Variants in ITPKC observed in about 807,000 individuals in gnomAD.
ITPKC encodes the protein IP3 3-kinase C.
A neutral mutation model predicts 67.1 loss-of-function variants in ITPKC; 33 were observed. That is an observed-to-expected ratio of 0.49 (90% CI 0.37 to 0.66). The LOEUF (loss-of-function observed/expected upper bound fraction) is 0.66, where lower values mean the gene tolerates loss of function less well. Ranked by LOEUF, ITPKC falls within the 30% of genes least tolerant of loss-of-function variation. The pLI is 0.00. For synonymous variants in ITPKC, 341 were observed against 359.8 expected (o/e 0.95, Z 0.59); for missense variants, 820 against 892.1 (o/e 0.92, Z 1.03).
At chr19:40,727,431 A>C (rs2082251461) in intron 2 of ITPKC, among the ~76,000 whole-genome samples, 1 of 152,240 alleles carries the variant, frequency 6.6e-6, no homozygotes, top group African/African-American at 2.4e-5. Context: ...ACTTAGTAGA[A>C]TAAAACAATC....
intron 1 of ITPKC, among the ~76,000 whole-genome samples, chr19:40,722,151 C>T (rs2144734923): frequency 6.6e-6 from 1 of 152,274 alleles, no homozygotes; most frequent in Non-Finnish European, 1.5e-5. Context: ...CCATCATGAG[C>T]TTGTAGTCCA....
At chr19:40,725,875 A>G (rs2082244267) in intron 2 of ITPKC, among the ~76,000 whole-genome samples, 2 of 152,120 alleles carry the variant, frequency 1.3e-5, no homozygotes, top group Admixed American at 6.5e-5. Context: ...AGGCCAAAAC[A>G]GGAGGATCGC....
At chr19:40,732,638 C>T (rs565758825) in intron 3 of ITPKC, among the ~76,000 whole-genome samples, 226 of 151,960 alleles carry the variant, frequency 1.5e-3, no homozygotes, top group African/African-American at 5.2e-3. Context: ...CGCTATGTTG[C>T]CGAGGCTGAT....
At position 40,739,545 on chromosome 19, in the gene ITPKC, G is replaced by C. The variant is rs1445013534; in HGVS notation, c.2037G>C (p.Gly679=). Reference sequence around the variant, plus strand: ...ACAACATGATCTGCCTCCTGCAGGGGCTGGCACAGAGCTGAGCTGCTCAGC... The same window carrying C: ...ACAACATGATCTGCCTCCTGCAGGGCCTGGCACAGAGCTGAGCTGCTCAGC... ...GLDNMICLLQ[G]LAQS Residue 679 remains glycine (G), a synonymous_variant, in exon 7 of 7, where the codon GGG becomes GGC. Transcript: ENST00000263370. 1.9e-6 allele frequency: 3 copies of C among 1,613,334 alleles called. No individual in the cohort carries two copies. Among genetic ancestry groups the C allele is most frequent in the South Asian group, 2.2e-5 (2 of 91,010 alleles).
intron 6 of ITPKC, among the ~76,000 whole-genome samples, chr19:40,738,306 G>T (rs1322409582): frequency 6.6e-6 from 1 of 152,168 alleles, no homozygotes; most frequent in Admixed American, 6.5e-5. Context: ...GCGGGCGCCT[G>T]TAGTCCCAGC....
intron 3 of ITPKC, among the ~76,000 whole-genome samples, chr19:40,732,254 A>G (rs1239428908): frequency 6.6e-6 from 1 of 151,230 alleles, no homozygotes; most frequent in African/African-American, 2.4e-5. Context: ...AAAAAAAAAA[A>G]AAAAGGCTGG....
In ITPKC at chr19:40,717,386, G is replaced by A. The variant is rs772973828; in HGVS notation, c.251G>A (p.Ser84Asn). 4 of 1,613,374 alleles carry A rather than the reference G, an allele frequency of 2.5e-6. No individual in the cohort carries two copies. Among genetic ancestry groups the A allele is most frequent in the South Asian group, 1.1e-5 (1 of 91,088 alleles). Residue 84 changes from serine (S) to asparagine (N), a missense_variant, in exon 1 of 7, where the codon AGT becomes AAT. Ser to Asn is a conservative substitution (Grantham distance 46). Transcript: ENST00000263370. Reference sequence around the variant, plus strand: ...CTCGGGCCTGCGCCGGGGACAGAGAGTCCGCAGGCAGAATTCTGGACAGAC... The same window carrying A: ...CTCGGGCCTGCGCCGGGGACAGAGAATCCGCAGGCAGAATTCTGGACAGAC... ...AGLGPAPGTE[S>N]PQAEFWTDGQ...
intron 4 of ITPKC, among the ~76,000 whole-genome samples, chr19:40,735,315 C>G (rs913511312): frequency 1.3e-5 from 2 of 152,048 alleles, no homozygotes; most frequent in African/African-American, 2.4e-5. Context: ...AAGGCCTCTG[C>G]ACCCCTCTGC....
At chr19:40,723,774 G>A (rs1438398443) in intron 1 of ITPKC, among the ~76,000 whole-genome samples, 1 of 152,196 alleles carries the variant, frequency 6.6e-6, no homozygotes, top group Non-Finnish European at 1.5e-5. Context: ...TGGGATTACA[G>A]GTGAGAGCCA....
Position 40,717,352 on chromosome 19 carries a change from A to C in ITPKC, c.217A>C (p.Arg73=), listed in dbSNP as rs2082194448. 1 of 1,610,726 alleles carries C rather than the reference A, an allele frequency of 6.2e-7. No individual in the cohort carries two copies. The highest frequency in any genetic ancestry group is 2.2e-5 in the East Asian group (1 of 44,854). ...EGSSLHSEPE[R]AGLGPAPGTE... ...GTCCAGCCTCCACAGCGAGCCTGAG[A>C]GGGCCGGCCTCGGGCCTGCGCCGGG... The change falls in exon 1 of 7, where the codon AGG becomes CGG. Residue 73 remains arginine (R), a synonymous_variant. Transcript: ENST00000263370.
chr19:40,739,896 T>C lies in ITPKC; in HGVS notation c.*336T>C. On this transcript the variant is annotated 3_prime_UTR_variant, in exon 7 of 7. Transcript: ENST00000263370. ...TCAGTTCACATGTCACAGGGTATGG[T>C]GTGACAGGGTGCCTGTGGACACATG... 1 of 323,898 alleles carries C rather than the reference T, an allele frequency of 3.1e-6. No individual in the cohort carries two copies. The highest frequency in any genetic ancestry group is 5.8e-6 in the Non-Finnish European group (1 of 171,532). The allele number at this position is 323,898 out of a possible 1,614,324, so 20.1% of individuals were successfully genotyped here.
chr19:40,720,400 G>T (rs933072655), intron 1 of ITPKC, among the ~76,000 whole-genome samples: 1 of 151,858 alleles, frequency 6.6e-6, no homozygotes, highest in African/African-American at 2.4e-5. Context: ...AGATGGGGAA[G>T]CTGAGGCATA....
At position 40,717,181 on chromosome 19, in the gene ITPKC, G is replaced by C; in HGVS notation, c.46G>C (p.Gly16Arg). The change falls in exon 1 of 7, where the codon GGG (glycine) becomes CGG (arginine). Residue 16 changes from glycine (G) to arginine (R), a missense_variant. By Grantham distance (125) the Gly-to-Arg change is moderately radical (BLOSUM62 -2). This residue lies in a region of ITPKC where 481 missense variants were observed against 470.1 expected (regional missense o/e 1.02). Coordinates refer to ENST00000263370, the MANE Select transcript of ITPKC (RefSeq NM_025194.3). ...CRGSLNEAEA[G>R]ALPAAARMGL... ...TGGGAGCCTGAACGAGGCGGAGGCCGGGGCGCTGCCCGCGGCGGCCCGCAT... is the reference window on the plus strand; with the variant it reads ...TGGGAGCCTGAACGAGGCGGAGGCCCGGGCGCTGCCCGCGGCGGCCCGCAT... 8.2e-7 allele frequency: 1 copy of C among 1,226,370 alleles called. No homozygotes were observed. The highest frequency in any genetic ancestry group is 1.0e-6 in the Non-Finnish European group (1 of 984,738). 76.0% of individuals were successfully genotyped at this position (1,226,370 alleles called of 1,614,324 possible).
At chr19:40,722,272 T>G (rs994081220) in intron 1 of ITPKC, among the ~76,000 whole-genome samples, 1 of 152,114 alleles carries the variant, frequency 6.6e-6, no homozygotes, top group Non-Finnish European at 1.5e-5. Flanking sequence ...GACCCTCTGT[T>G]TCCTCCTTTG....
chr19:40,728,218 T>C (rs1286127784), intron 2 of ITPKC, among the ~76,000 whole-genome samples: 1 of 138,750 alleles, frequency 7.2e-6, no homozygotes, highest in Non-Finnish European at 1.6e-5. Context: ...ACATTACACA[T>C]TTTTTTTTTT....
At chr19:40,721,707 T>C (rs2082223484) in intron 1 of ITPKC, among the ~76,000 whole-genome samples, 1 of 151,848 alleles carries the variant, frequency 6.6e-6, no homozygotes. Context: ...ATATTATGTT[T>C]ATGATTAAGG....
intron 6 of ITPKC, among the ~76,000 whole-genome samples, chr19:40,737,992 GAAA>G (rs35811447): frequency 9.6e-5 from 11 of 114,416 alleles, no homozygotes; most frequent in African/African-American, 1.0e-4. Flanking sequence ...TCTCTATTTG[GAAA>G]AAAAAAAAAA....
rs118084522 is a variant in ITPKC at position 40,737,424 on chromosome 19, G to A, written c.1777-274G>A. 5.4e-4 allele frequency among the ~76,000 whole-genome samples: 82 copies of A among 152,358 alleles called. No individual in the cohort carries two copies. The highest frequency in any genetic ancestry group is 9.6e-4 in the Non-Finnish European group (65 of 68,032). On this transcript the variant is annotated intron_variant, in intron 5 of 6. Coordinates refer to ENST00000263370, the MANE Select transcript of ITPKC (RefSeq NM_025194.3). ...ATGGCCACCATCATTTCTGCCGTTC[G>A]GCAAGTCATGTGACCCAGCCTGGAT... is the stretch of plus-strand genomic sequence containing the variant.
intron 2 of ITPKC, among the ~76,000 whole-genome samples, chr19:40,725,976 C>T (rs2082244759): frequency 6.6e-6 from 1 of 151,976 alleles, no homozygotes; most frequent in African/African-American, 2.4e-5. Context: ...CGCAGTGGCT[C>T]ATGCCTGTAA....
Sources: gnomAD v4.1 joint callset for allele counts (sites outside exome capture counted in the v4.1 genomes callset) on GRCh38, gnomAD v4.1.1 for gene constraint, gnomAD v4.1.1 regional missense constraint, MANE v1.5 for transcripts, NCBI Gene and HGNC (gene_info 2026-07-23, HGNC 2026-07-21) for gene names.